Variants in TXK observed in about 807,000 individuals in gnomAD.
TXK encodes the protein tyrosine-protein kinase TXK.
TXK carries 60 observed loss-of-function variants against 81.0 expected under a neutral mutation model. The ratio of observed to expected loss-of-function variants is 0.74; its 90% confidence interval spans 0.60 to 0.92. TXK has a LOEUF of 0.92. TXK is among the 40% of genes least tolerant of loss of function. The probability of loss-of-function intolerance (pLI) is 0.00; values close to 1 mark genes in which losing one functional copy is unlikely to be tolerated. For synonymous variants in TXK, 203 were observed against 210.7 expected, an observed-to-expected ratio of 0.96 and a Z score of 0.32; for missense variants, 581 against 638.3, an observed-to-expected ratio of 0.91 and a Z score of 0.97.
At chr4:48,097,228 C>T (rs1718016112) in intron 6 of TXK, among the ~76,000 whole-genome samples, 1 of 151,824 alleles carries the variant, frequency 6.6e-6, no homozygotes, top group African/African-American at 2.4e-5. Context: ...TAATAAGTCA[C>T]AAGGAGAAAA....
intron 10 of TXK, among the ~76,000 whole-genome samples, chr4:48,081,414 C>A (rs904550183): frequency 2.6e-5 from 4 of 152,116 alleles, no homozygotes; most frequent in Non-Finnish European, 5.9e-5. Flanking sequence ...ACAAATATTT[C>A]TCACAAGCAT....
intron 6 of TXK, among the ~76,000 whole-genome samples, chr4:48,097,748 ATTT>A (rs564793266): frequency 5.2e-5 from 6 of 114,384 alleles, no homozygotes; most frequent in African/African-American, 6.4e-5. Context: ...AAGCTACCAC[ATTT>A]TTTTTTTTTT....
intron 10 of TXK, among the ~76,000 whole-genome samples, chr4:48,081,640 TTAAG>T (rs1717304479): frequency 6.6e-6 from 1 of 152,194 alleles, no homozygotes; most frequent in African/African-American, 2.4e-5. Flanking sequence ...AGTAATCGCA[TTAAG>T]TTTCAGGGTT....
intron 6 of TXK, among the ~76,000 whole-genome samples, chr4:48,104,254 T>C (rs1370716437): frequency 5.0e-5 from 1 of 19,922 alleles, no homozygotes; most frequent in Non-Finnish European, 8.5e-5. Context: ...ATATATTTTA[T>C]ATATATAATA....
chr4:48,091,579 C>G (rs915114196), intron 8 of TXK, among the ~76,000 whole-genome samples: 1 of 151,594 alleles, frequency 6.6e-6, no homozygotes, highest in Non-Finnish European at 1.5e-5. Flanking sequence ...GATCTTGGAT[C>G]ACTGCAACCT....
chr4:48,124,502 T>C (rs1362570209), intron 1 of TXK, among the ~76,000 whole-genome samples: 2 of 151,904 alleles, frequency 1.3e-5, no homozygotes, highest in Non-Finnish European at 2.9e-5. Flanking sequence ...AAAAGCTCAA[T>C]AAATAACTGT....
At chr4:48,096,216 T>A (rs1452924606) in intron 6 of TXK, among the ~76,000 whole-genome samples, 1 of 152,186 alleles carries the variant, frequency 6.6e-6, no homozygotes, top group Non-Finnish European at 1.5e-5. Context: ...AATAATAAAA[T>A]CTAGCTTTTA....
intron 8 of TXK, among the ~76,000 whole-genome samples, chr4:48,093,471 T>C (rs1348461315): frequency 6.6e-6 from 1 of 152,236 alleles, no homozygotes; most frequent in African/African-American, 2.4e-5. Context: ...GAGGTGATTT[T>C]AATTGTGGTG....
chr4:48,107,255 AG>A (rs1443680204), intron 5 of TXK, among the ~76,000 whole-genome samples: 2 of 151,810 alleles, frequency 1.3e-5, no homozygotes, highest in Non-Finnish European at 1.5e-5. Context: ...TCTGAAAACT[AG>A]GTTTTTCCAT....
chr4:48,084,657 T>C (rs1717440820), intron 10 of TXK, among the ~76,000 whole-genome samples: 1 of 152,238 alleles, frequency 6.6e-6, no homozygotes, highest in Admixed American at 6.5e-5. Flanking sequence ...CTGGGGCACC[T>C]AGGGACCCAA....
At chr4:48,074,610 C>T (rs527816670) in intron 12 of TXK, among the ~76,000 whole-genome samples, 2 of 152,174 alleles carry the variant, frequency 1.3e-5, no homozygotes, top group African/African-American at 4.8e-5. Context: ...GAATAACTAC[C>T]GTCTCCTTAA....
At chr4:48,101,428 T>C (rs1718188882) in intron 6 of TXK, among the ~76,000 whole-genome samples, 1 of 152,118 alleles carries the variant, frequency 6.6e-6, no homozygotes, top group Non-Finnish European at 1.5e-5. Flanking sequence ...ATGATGTTAA[T>C]GTAACCTTTA....
chr4:48,113,144 G>T (rs1718689773), intron 3 of TXK, 63 bp downstream of exon 3: 2 of 1,225,552 alleles, frequency 1.6e-6, no homozygotes, highest in South Asian at 1.3e-5. Context: ...AGCACCTCAT[G>T]AATGAAGACT....
intron 1 of TXK, among the ~76,000 whole-genome samples, chr4:48,132,484 G>A (rs561338073): frequency 8.5e-5 from 13 of 152,190 alleles, no homozygotes; most frequent in South Asian, 8.3e-4. Flanking sequence ...TTCTGATTTC[G>A]TCCAGCATTT....
At chr4:48,080,523 CAA>C (rs1434064495) in intron 10 of TXK, among the ~76,000 whole-genome samples, 1 of 151,748 alleles carries the variant, frequency 6.6e-6, no homozygotes, top group Non-Finnish European at 1.5e-5. Context: ...TCTGGACAGA[CAA>C]GAGGGAGGAA....
intron 8 of TXK, 49 bp downstream of exon 8, chr4:48,094,028 A>G: frequency 6.2e-7 from 1 of 1,611,458 alleles, no homozygotes; most frequent in Non-Finnish European, 8.5e-7. Flanking sequence ...TGCATTGCCC[A>G]TCAAGGGCAT....
At chr4:48,087,750 A>G (rs73151618) in intron 9 of TXK, among the ~76,000 whole-genome samples, 1 of 152,118 alleles carries the variant, frequency 6.6e-6, no homozygotes, top group African/African-American at 2.4e-5. Context: ...GGTATGTTTT[A>G]AAAGTAACAT....
chr4:48,104,793 T>C, intron 6 of TXK, 108 bp downstream of exon 6: 3 of 790,958 alleles, frequency 3.8e-6, no homozygotes, highest in South Asian at 1.8e-5. Flanking sequence ...GATGTAATGA[T>C]ATTTTAGAAC....
At chr4:48,133,575 C>T (rs1360821691) in intron 1 of TXK, among the ~76,000 whole-genome samples, 1 of 152,042 alleles carries the variant, frequency 6.6e-6, no homozygotes, top group Non-Finnish European at 1.5e-5. Context: ...TGGGAAAGGT[C>T]CTCGATAACG....
Sources: allele counts gnomAD v4.1 joint callset (sites outside exome capture counted in the v4.1 genomes callset), GRCh38; gene constraint gnomAD v4.1.1; transcripts MANE v1.5; gene names NCBI Gene and HGNC (gene_info 2026-07-23, HGNC 2026-07-21).